Variants in MICOS13 observed in about 807,000 individuals in gnomAD.
MICOS13 encodes mitochondrial contact site and cristae organizing system subunit 13, also known as MICOS complex subunit MIC13.
A neutral mutation model predicts 16.1 loss-of-function variants in MICOS13; 15 were observed. The ratio of observed to expected loss-of-function variants is 0.93; its 90% CI spans 0.62 to 1.44. The LOEUF (loss-of-function observed/expected upper bound fraction) is 1.44. MICOS13 is among the 40% of genes most tolerant of loss of function. The probability of loss-of-function intolerance (pLI) is 0.00; values close to 1 mark genes in which losing one functional copy is unlikely to be tolerated. For missense variants in MICOS13, 164 were observed against 155.0 expected, an observed-to-expected ratio of 1.06 and a Z score of -0.31; for synonymous variants, 61 against 62.6, an observed-to-expected ratio of 0.97 and a Z score of 0.12.
rs1258968427 is a variant in MICOS13, at chr19:5,678,639, G to A, written c.269C>T (p.Thr90Met). The A allele has an allele frequency of 8.5e-6, 13 of 1,533,666 alleles. No homozygotes were observed. The highest frequency in any genetic ancestry group is 5.0e-5 in the East Asian group (2 of 39,762). ...GGCCACCGACAGAGCTGACATCACC[G>A]TCATGATGCCTGTGGGAAAGGGACG... The part of the protein sequence containing the change: ...IRDSWNAGIM[T>M]VMSALSVAPS... The change falls in exon 4 of 4, where the codon ACG becomes ATG. Residue 90 changes from threonine to methionine, a missense_variant. Physicochemically the swap from Thr to Met is moderately conservative, Grantham distance 81. Transcript: ENST00000309324.
In MICOS13 at chr19:5,679,520, G is replaced by A. The variant is rs550869720; in HGVS notation, c.207+66C>T. 60 of 1,595,142 alleles carry A rather than the reference G, an allele frequency of 3.8e-5. No individual in the cohort carries two copies. In the African/African-American group the frequency reaches 7.3e-4, roughly 19 times the overall value. ...TCAATATGGAGGACAACATCGTGCA[G>A]GGCTGGAGGGACCTCCCAGAGCTGA... On this transcript the variant is annotated intron_variant, in intron 2 of 3. Coordinates refer to ENST00000309324, the MANE Select transcript of MICOS13 (RefSeq NM_205767.3).
At chr19:5,678,780 C>T (rs1599405458) in intron 3 of MICOS13, 132 bp from the exon 4 acceptor site, 1 of 635,000 alleles carries the variant, frequency 1.6e-6, no homozygotes, top group Non-Finnish European at 2.7e-6. Context: ...CTCACTCTGT[C>T]TCCCAGGCTG....
At chr19:5,679,204 G>A (rs1347259226) in intron 3 of MICOS13, 141 bp downstream of exon 3, 3 of 913,848 alleles carry the variant, frequency 3.3e-6, no homozygotes, top group African/African-American at 1.7e-5. Flanking sequence ...GAGCCACTGT[G>A]CTCGGCCTCC....
chr19:5,678,747 T>TGG, intron 3 of MICOS13, 99 bp from the exon 4 acceptor site: 3 of 198,466 alleles, frequency 1.5e-5, no homozygotes, highest in Non-Finnish European at 3.1e-5. Context: ...CGGTGGGGGG[T>TGG]GGGTGGGGGG....
At chr19:5,679,565 C>T in intron 2 of MICOS13, 21 bp downstream of exon 2, 1 of 1,605,610 alleles carries the variant, frequency 6.2e-7, no homozygotes, top group Non-Finnish European at 8.5e-7. Context: ...AAACCCTGGC[C>T]TCGTTCCCGG....
At chr19:5,678,717 A>G in intron 3 of MICOS13, 69 bp from the exon 4 acceptor site, 1 of 783,598 alleles carries the variant, frequency 1.3e-6, no homozygotes, top group Non-Finnish European at 1.7e-6. Context: ...CCCCTGGGAA[A>G]CTCTAGAGTT....
chr19:5,679,994 G>C, intron 1 of MICOS13: 1 of 1,478,008 alleles, frequency 6.8e-7, no homozygotes, highest in Non-Finnish European at 8.9e-7. Context: ...ACCCAGAGGG[G>C]GAGAGTGGGT....
chr19:5,679,864 C>T (rs997571549), intron 1 of MICOS13, 101 bp from the exon 2 acceptor site: 2 of 1,431,944 alleles, frequency 1.4e-6, no homozygotes, highest in South Asian at 1.3e-5. Context: ...GAGGGCTCAC[C>T]GTCCACAGGG....
intron 1 of MICOS13, 96 bp from the exon 2 acceptor site, chr19:5,679,859 C>G: frequency 6.9e-7 from 1 of 1,450,726 alleles, no homozygotes; most frequent in Non-Finnish European, 9.2e-7. Flanking sequence ...CTCCTGAGGG[C>G]TCACCGTCCA....
At chr19:5,680,246 G>A (rs751144966) in intron 1 of MICOS13, 2 of 1,563,054 alleles carry the variant, frequency 1.3e-6, no homozygotes, top group Non-Finnish European at 1.7e-6. Context: ...AACGCCAAGG[G>A]CTCGCTGGGA....
rs143576762 is a variant in MICOS13 at position 5,679,730 on chromosome 19, G to C, written c.63C>G (p.Ala21=). ...GCTCCTGGTCGTACACCAGGTAGACGGCGCCCCCAGCCACACTTCCCTTGA... is the reference window on the plus strand; with the variant it reads ...GCTCCTGGTCGTACACCAGGTAGACCGCGCCCCCAGCCACACTTCCCTTGA... ...FLIKGSVAGG[A]VYLVYDQELL... is the part of the protein sequence containing the mutation. Residue 21 remains alanine, a synonymous_variant, in exon 2 of 4, where the codon GCC becomes GCG. Coordinates refer to ENST00000309324, the MANE Select transcript of MICOS13 (RefSeq NM_205767.3). 1.9e-6 allele frequency: 3 copies of C among 1,608,338 alleles called. No homozygotes were observed. The highest frequency in any genetic ancestry group is 2.2e-5 in the East Asian group (1 of 44,808).
Position 5,679,783 on chromosome 19 carries a change from GAGC to G in MICOS13, c.30-23_30-21del, listed in dbSNP as rs1568293896. 6.3e-7 allele frequency: 1 copy of G among 1,575,390 alleles called. No homozygotes were observed. The highest frequency in any genetic ancestry group is 1.1e-5 in the South Asian group (1 of 88,106). On this transcript the variant is annotated intron_variant, in intron 1 of 3. Coordinates refer to ENST00000309324, the MANE Select transcript of MICOS13 (RefSeq NM_205767.3). ...AGGAACCTGCGGGCAGGGACGGGAG[GAGC>G]AGAAGCTCAGCGGACACTGACAGCC...
intron 1 of MICOS13, 51 bp downstream of exon 1, chr19:5,680,407 C>G (rs775050144): frequency 2.5e-6 from 4 of 1,612,380 alleles, no homozygotes; most frequent in East Asian, 4.5e-5. Flanking sequence ...GGGATGCCCA[C>G]AAAAATGGAC....
At chr19:5,679,496 C>T (rs2054492112) in intron 2 of MICOS13, 90 bp downstream of exon 2, 1 of 1,593,504 alleles carries the variant, frequency 6.3e-7, no homozygotes, top group Non-Finnish European at 8.6e-7. Context: ...AGGTCAGCAT[C>T]AATATGGAGG....
chr19:5,680,235 G>A, intron 1 of MICOS13: 4 of 1,553,948 alleles, frequency 2.6e-6, no homozygotes, highest in Non-Finnish European at 2.6e-6. Flanking sequence ...ACCGCGAACT[G>A]AACGCCAAGG....
chr19:5,679,492 G>T, intron 2 of MICOS13, 94 bp downstream of exon 2: 2 of 1,591,732 alleles, frequency 1.3e-6, no homozygotes, highest in Non-Finnish European at 1.7e-6. Flanking sequence ...AATCAGGTCA[G>T]CATCAATATG....
chr19:5,679,251 A>G, intron 3 of MICOS13, 94 bp downstream of exon 3: 1 of 1,319,302 alleles, frequency 7.6e-7, no homozygotes, highest in Non-Finnish European at 1.1e-6. Flanking sequence ...CGTGTCGGGC[A>G]GGAAGGAGGA....
rs775228688 is a variant in MICOS13, at chr19:5,678,620, C to T, written c.288G>A (p.Ser96=). 9.1e-6 allele frequency: 14 copies of T among 1,545,074 alleles called. No homozygotes were observed. The highest frequency in any genetic ancestry group is 8.0e-5 in the Admixed American group (4 of 50,112). The part of the protein sequence containing the change: ...AGIMTVMSAL[S]VAPSKAREYS... ...ACTCGCGGGCCTTGGAGGGGGCCAC[C>T]GACAGAGCTGACATCACCGTCATGA... Residue 96 remains serine, a synonymous_variant, in exon 4 of 4, where the codon TCG becomes TCA. Transcript: ENST00000309324.
intron 3 of MICOS13, 188 bp from the exon 4 acceptor site, chr19:5,678,836 G>T: frequency 1.9e-6 from 1 of 536,506 alleles, no homozygotes. Context: ...TCGCCTCCTG[G>T]GTTCAAGCGA....
Sources: gnomAD v4.1 joint callset for allele counts on GRCh38, gnomAD v4.1.1 for gene constraint, MANE v1.5 for transcripts, NCBI Gene and HGNC (gene_info 2026-07-23, HGNC 2026-07-21) for gene names.